ZDHHC24: variants seen among roughly 807,000 people sequenced by gnomAD.
ZDHHC24 encodes zDHHC palmitoyltransferase 24, also known as probable palmitoyltransferase ZDHHC24.
In ZDHHC24, 17 loss-of-function variants were observed where a neutral mutation model predicts 23.2. That is an observed-to-expected ratio of 0.73 (90% CI 0.50 to 1.10). ZDHHC24 has a LOEUF of 1.10. Ranked by LOEUF, ZDHHC24 falls within the 50% of genes least tolerant of loss-of-function variation. ZDHHC24 has a pLI of 0.00. For missense variants in ZDHHC24, 366 were observed against 393.0 expected (o/e 0.93, Z 0.58); for synonymous variants, 186 against 194.5 (o/e 0.96, Z 0.36).
chr11:66,529,236 G>A (rs1001335171), intron 3 of ZDHHC24: 2 of 1,503,930 alleles, frequency 1.3e-6, no homozygotes, highest in East Asian at 4.9e-5. Flanking sequence ...AGAGTCATGT[G>A]ATCCTGCAAA....
chr11:66,535,340 C>T (rs917016092), downstream of ZDHHC24, among the ~76,000 whole-genome samples: 2 of 151,198 alleles, frequency 1.3e-5, no homozygotes, highest in Non-Finnish European at 2.9e-5. Context: ...CCACCCCCAT[C>T]CCCCACACTA....
At chr11:66,522,879 CCT>C (rs1856302638) in intron 4 of ZDHHC24, 1 of 336,868 alleles carries the variant, frequency 3.0e-6, no homozygotes, top group South Asian at 2.4e-5. Context: ...ATCAGGAACA[CCT>C]CTCTGTGGAG....
chr11:66,526,048 C>T (rs1856473915), intron 4 of ZDHHC24: 1 of 1,324,210 alleles, frequency 7.6e-7, no homozygotes, highest in Non-Finnish European at 1.1e-6. Context: ...ATATCTGGGG[C>T]CTCCCCTACC....
intron 4 of ZDHHC24, chr11:66,523,174 G>A (rs1366673548): frequency 1.1e-5 from 6 of 565,026 alleles, no homozygotes; most frequent in Non-Finnish European, 1.7e-5. Context: ...AATGCTAGAT[G>A]ATCATACAAG....
At chr11:66,526,098 A>G (rs954494372) in intron 4 of ZDHHC24, 5 of 1,613,510 alleles carry the variant, frequency 3.1e-6, no homozygotes, top group African/African-American at 1.3e-5. Context: ...TATTTCCCCA[A>G]CTAAACTCTG....
At chr11:66,530,881 A>C (rs562720654), downstream of ZDHHC24, 1 of 1,613,750 alleles carries the variant, frequency 6.2e-7, no homozygotes, top group South Asian at 1.1e-5. Context: ...TTCTCCACCC[A>C]CCCTCTCCAT....
chr11:66,529,374 G>A, exon 3 of ZDHHC24: 1 of 1,454,860 alleles, frequency 6.9e-7, no homozygotes, highest in Non-Finnish European at 9.3e-7. Flanking sequence ...GTGGAGATGA[G>A]CAGGAGGCAG....
chr11:66,538,233 C>T lies in ZDHHC24; in HGVS notation c.*1296G>A, dbSNP rs1385805029. 1.3e-5 allele frequency: 2 copies of T among 151,912 alleles called. No homozygotes were observed. Among genetic ancestry groups the T allele is most frequent in the Non-Finnish European group, 2.9e-5 (2 of 67,992 alleles). 9.4% of individuals were successfully genotyped at this position (151,912 alleles called of 1,614,324 possible). A position where few individuals can be genotyped will look rare whatever the true frequency, so the allele number is the denominator to read the frequency against. The stretch of plus-strand genomic sequence containing the variant: ...CAACATGGTGAAACCCCCGTCTCTA[C>T]TAAAAATACAAAAATTAGCCAGGAA... On this transcript the variant is annotated 3_prime_UTR_variant, in exon 3 of 3. Transcript: ENST00000310442.
downstream of ZDHHC24, among the ~76,000 whole-genome samples, chr11:66,534,210 C>T (rs1171523168): frequency 1.3e-5 from 2 of 149,546 alleles, no homozygotes; most frequent in Non-Finnish European, 1.5e-5. Context: ...TTTGGGAGGC[C>T]GAGGCAGGCA....
chr11:66,545,844 G>T lies in ZDHHC24; in HGVS notation c.160C>A (p.Gln54Lys), dbSNP rs899821403. Residue 54 changes from glutamine to lysine, a missense_variant, in exon 1 of 3, where the codon CAG becomes AAG. Transcript: ENST00000310442. The surrounding 1 kb of genome is among the most constrained non-coding windows in gnomAD (Gnocchi z 4.5). ...AGCTGGAAGGCGGCCAGCGCCAGCTGCAAGGCCCGGGCCAGGGGTCCCAGC... is the reference window on the plus strand; with the variant it reads ...AGCTGGAAGGCGGCCAGCGCCAGCTTCAAGGCCCGGGCCAGGGGTCCCAGC... ...PPLGPLARAL[Q>K]LALAAFQLLN... 2 of 1,558,164 alleles carry T rather than the reference G, an allele frequency of 1.3e-6. No homozygotes were observed. The highest frequency in any genetic ancestry group is 1.4e-5 in the African/African-American group (1 of 73,900).
chr11:66,528,511 A>T (rs1856615643), intron 3 of ZDHHC24, among the ~76,000 whole-genome samples: 1 of 152,202 alleles, frequency 6.6e-6, no homozygotes, highest in Non-Finnish European at 1.5e-5. Context: ...TGTGGTGTGG[A>T]TGCAGAAATA....
chr11:66,543,552 C>A (rs1195846167), intron 2 of ZDHHC24, 152 bp downstream of exon 2: 1 of 988,130 alleles, frequency 1.0e-6, no homozygotes, highest in African/African-American at 1.6e-5. Flanking sequence ...ACTGCACCCC[C>A]GGGTGAATAC....
chr11:66,521,470 G>T, intron 4 of ZDHHC24: 4 of 1,007,188 alleles, frequency 4.0e-6, no homozygotes, highest in South Asian at 4.0e-5. Flanking sequence ...TTTAAGGCTG[G>T]AATTTGGAAA....
chr11:66,533,533 C>T (rs1484857948), downstream of ZDHHC24: 3 of 152,250 alleles, frequency 2.0e-5, no homozygotes, highest in Admixed American at 1.3e-4. Context: ...ATTACTATTT[C>T]TATTACTATG....
At chr11:66,521,934 G>T (rs995184210) in intron 4 of ZDHHC24, among the ~76,000 whole-genome samples, 16 of 148,390 alleles carry the variant, frequency 1.1e-4, no homozygotes, top group Non-Finnish European at 2.1e-4. Flanking sequence ...AAAAGCAGGG[G>T]GGTGCCGGGT....
At chr11:66,526,969 C>T (rs765888416) in exon 4 of ZDHHC24, 59 of 1,552,482 alleles carry the variant, frequency 3.8e-5, no homozygotes, top group Non-Finnish European at 4.7e-5. Context: ...AGGAGGTACA[C>T]GTTGCCTGCA....
chr11:66,535,046 C>G (rs561507444), downstream of ZDHHC24, among the ~76,000 whole-genome samples: 70 of 152,278 alleles, frequency 4.6e-4, 1 homozygote, highest in South Asian at 0.014. Flanking sequence ...GCATGCACCA[C>G]TGCACCTGGC....
chr11:66,521,245 G>T (rs368073453), exon 5 of ZDHHC24: 20 of 1,579,694 alleles, frequency 1.3e-5, no homozygotes, highest in Non-Finnish European at 1.7e-5. Context: ...AGAGAAATTG[G>T]AGTGTTTGCG....
downstream of ZDHHC24, chr11:66,530,762 G>T (rs1856742947): frequency 1.5e-6 from 2 of 1,331,594 alleles, no homozygotes; most frequent in Non-Finnish European, 2.2e-6. Context: ...CTGGTCTTCT[G>T]TGTCTGCTGG....
Sources: gnomAD v4.1 joint callset for allele counts (sites outside exome capture counted in the v4.1 genomes callset) on GRCh38, gnomAD v4.1.1 for gene constraint, Gnocchi (gnomAD v3.1) non-coding constraint, MANE v1.5 for transcripts, NCBI Gene and HGNC (gene_info 2026-07-23, HGNC 2026-07-21) for gene names.